LRRC51: variants seen among roughly 807,000 people sequenced by gnomAD.
The protein encoded by LRRC51 is leucine-rich repeat-containing protein 51.
A neutral mutation model predicts 17.8 loss-of-function variants in LRRC51; 8 were observed. That is an observed-to-expected ratio of 0.45 (90% CI 0.26 to 0.81). LRRC51 has a LOEUF of 0.81. LRRC51 is among the 30% of genes least tolerant of loss of function. The pLI is 0.17. For synonymous variants in LRRC51, 92 were observed against 96.0 expected (o/e 0.96, Z 0.24); for missense variants, 233 against 239.3 (o/e 0.97, Z 0.17).
At chr11:72,089,400 T>C (rs1195263382) in intron 3 of LRRC51, 1 of 1,454,606 alleles carries the variant, frequency 6.9e-7, no homozygotes, top group Non-Finnish European at 9.1e-7. Context: ...GTGCCCCTGT[T>C]TGTTTTTTTT....
rs752358211 is a variant in LRRC51, at chr11:72,089,036, C to T, written c.-48C>T. On this transcript the variant is annotated 5_prime_UTR_variant, in exon 3 of 6. Coordinates refer to ENST00000289488, the MANE Select transcript of LRRC51 (RefSeq NM_145309.6). ...CTTTCTCTGTCCTCCCAGGCTGAAC[C>T]CAGACTCCCAGGGCACCTGCTTGCA... is the stretch of plus-strand genomic sequence containing the variant. 2.5e-6 allele frequency: 4 copies of T among 1,612,052 alleles called. No individual in the cohort carries two copies. The highest frequency in any genetic ancestry group is 3.4e-6 in the Non-Finnish European group (4 of 1,179,766).
intron 1 of LRRC51, 24 bp from the exon 2 acceptor site, chr11:72,088,270 TAAC>T (rs1405626686): frequency 5.9e-6 from 4 of 674,668 alleles, no homozygotes; most frequent in African/African-American, 3.5e-5. Context: ...AAGTGACTGA[TAAC>T]AACATTGTGT....
chr11:72,086,571 A>T lies in LRRC51; in HGVS notation c.-139-1726A>T. On this transcript the variant is annotated intron_variant, in intron 1 of 5. Coordinates refer to ENST00000289488, the MANE Select transcript of LRRC51 (RefSeq NM_145309.6). ...GAGTGCCTGTTGTAAACCTGGTTCT[A>T]TGTTGGATAATGAATAAGATGCGAT... The T allele has an allele frequency of 6.1e-6, 4 of 655,948 alleles. No individual in the cohort carries two copies. In the South Asian group the frequency reaches 6.7e-5, roughly 11 times the overall value. 40.6% of individuals were successfully genotyped at this position (655,948 alleles called of 1,614,324 possible). A position where few individuals can be genotyped will look rare whatever the true frequency, so the allele number is the denominator to read the frequency against.
In LRRC51 at chr11:72,089,030, C is replaced by G. The variant is rs1415852482; in HGVS notation, c.-54C>G. 6.2e-7 allele frequency: 1 copy of G among 1,611,692 alleles called. No homozygotes were observed. Among genetic ancestry groups the G allele is most frequent in the Non-Finnish European group, 8.5e-7 (1 of 1,179,708 alleles). Reference sequence around the variant, plus strand: ...ACTGGTCTTTCTCTGTCCTCCCAGGCTGAACCCAGACTCCCAGGGCACCTG... The same window carrying G: ...ACTGGTCTTTCTCTGTCCTCCCAGGGTGAACCCAGACTCCCAGGGCACCTG... On this transcript the variant is annotated splice_region_variant and 5_prime_UTR_variant, in exon 3 of 6. Transcript: ENST00000289488.
At chr11:72,086,301 T>C (rs1944527975) in intron 1 of LRRC51, 1 of 646,944 alleles carries the variant, frequency 1.5e-6, no homozygotes, top group African/African-American at 1.8e-5. Context: ...AGCAGGTCTT[T>C]CTGTGCTCAT....
rs1945162217 is a variant in LRRC51 at position 72,095,704 on chromosome 11, ACT to A, written c.*187_*188del. ...TTTTTTTTTTTTGAGACGGAGTCTC[ACT>A]CTGTCACACAGGCTGGAGTGCAGTG... On this transcript the variant is annotated 3_prime_UTR_variant, in exon 6 of 6. Transcript: ENST00000289488. 1.4e-6 allele frequency: 2 copies of A among 1,404,058 alleles called. No individual in the cohort carries two copies. Among genetic ancestry groups the A allele is most frequent in the East Asian group, 2.8e-5 (1 of 36,204 alleles). 87.0% of individuals were successfully genotyped at this position (1,404,058 alleles called of 1,614,324 possible). A position where few individuals can be genotyped will look rare whatever the true frequency, so the allele number is the denominator to read the frequency against.
intron 1 of LRRC51, chr11:72,085,775 CAT>C (rs1224829019): frequency 6.6e-6 from 1 of 152,536 alleles, no homozygotes; most frequent in Non-Finnish European, 1.5e-5. Context: ...TGGGCTTACT[CAT>C]GTGTCGGCAG....
intron 1 of LRRC51, among the ~76,000 whole-genome samples, chr11:72,084,499 A>T (rs1446805432): frequency 6.6e-6 from 1 of 152,236 alleles, no homozygotes; most frequent in Non-Finnish European, 1.5e-5. Flanking sequence ...ACAATTTGAA[A>T]ATTAAAAAAT....
At chr11:72,088,778 C>T in intron 2 of LRRC51, 1 of 520,160 alleles carries the variant, frequency 1.9e-6, no homozygotes, top group Non-Finnish European at 3.5e-6. Context: ...TCAGTTTCTT[C>T]ATCTGGCATT....
chr11:72,086,737 C>G (rs1393355097), intron 1 of LRRC51, among the ~76,000 whole-genome samples: 2 of 88,798 alleles, frequency 2.3e-5, no homozygotes, highest in Non-Finnish European at 4.7e-5. Flanking sequence ...TCTTTAGGAA[C>G]TGCACTGGGT....
At chr11:72,094,729 C>T (rs993116361) in intron 4 of LRRC51, 25 of 907,674 alleles carry the variant, frequency 2.8e-5, no homozygotes, top group Non-Finnish European at 2.1e-5. Flanking sequence ...CAGGCCCACA[C>T]TCCTGACCCT....
chr11:72,092,264 T>C (rs1437746940), intron 3 of LRRC51, among the ~76,000 whole-genome samples: 1 of 152,190 alleles, frequency 6.6e-6, no homozygotes. Context: ...CACCTTTTTG[T>C]ACAGGAACCT....
At chr11:72,088,467 T>C (rs1591143262) in intron 2 of LRRC51, 87 bp downstream of exon 2, 4 of 695,406 alleles carry the variant, frequency 5.8e-6, no homozygotes, top group East Asian at 5.4e-5. Context: ...AGTAGGGTAT[T>C]TGGATGGAAA....
chr11:72,087,786 T>C (rs2136495531), intron 1 of LRRC51, among the ~76,000 whole-genome samples: 1 of 152,332 alleles, frequency 6.6e-6, no homozygotes, highest in Non-Finnish European at 1.5e-5. Context: ...TATTGAATGA[T>C]TTTTTGATAT....
At chr11:72,093,741 A>C in intron 4 of LRRC51, 40 bp downstream of exon 4, 2 of 1,600,528 alleles carry the variant, frequency 1.2e-6, no homozygotes, top group Non-Finnish European at 1.7e-6. Flanking sequence ...GGGGAGCCTG[A>C]AGCCACTTTG....
chr11:72,096,645 C>T lies in LRRC51; in HGVS notation c.*1125C>T. ...ACACAGCCTTGGGAAATTTATCTAA[C>T]TCTCTGGGCCCCTTTGTACTTTTCA... On this transcript the variant is annotated 3_prime_UTR_variant, in exon 6 of 6. Coordinates refer to ENST00000289488, the MANE Select transcript of LRRC51 (RefSeq NM_145309.6). The T allele has an allele frequency of 6.5e-7, 1 of 1,528,168 alleles. No individual in the cohort carries two copies. The highest frequency in any genetic ancestry group is 2.5e-5 in the East Asian group (1 of 40,196). The allele number at this position is 1,528,168 out of a possible 1,614,324, so 94.7% of individuals were successfully genotyped here.
At chr11:72,088,227 A>G in intron 1 of LRRC51, 70 bp from the exon 2 acceptor site, 1 of 592,370 alleles carries the variant, frequency 1.7e-6, no homozygotes. Flanking sequence ...ACAAATTGGA[A>G]ACGATCTGAT....
chr11:72,084,195 A>AT (rs1338374315), intron 1 of LRRC51, among the ~76,000 whole-genome samples: 10 of 151,740 alleles, frequency 6.6e-5, no homozygotes, highest in Admixed American at 3.3e-4. Context: ...GCAGCCTTTG[A>AT]TTTTTTTTCC....
In LRRC51 at chr11:72,094,945, C is replaced by A. The variant is rs201170695; in HGVS notation, c.289-3C>A. Reference sequence around the variant, plus strand: ...CCTGGCTTTTGGTTTCCCTCCCCAACAGGTCCTAACAACTTTCTTCAACCT... The same window carrying A: ...CCTGGCTTTTGGTTTCCCTCCCCAAAAGGTCCTAACAACTTTCTTCAACCT... On this transcript the variant is annotated splice_region_variant and splice_polypyrimidine_tract_variant and intron_variant, in intron 4 of 5. Coordinates refer to ENST00000289488, the MANE Select transcript of LRRC51 (RefSeq NM_145309.6). The A allele has an allele frequency of 6.2e-7, 1 of 1,614,110 alleles. No homozygotes were observed. Among genetic ancestry groups the A allele is most frequent in the East Asian group, 2.2e-5 (1 of 44,870 alleles).
Sources: allele counts gnomAD v4.1 joint callset (sites outside exome capture counted in the v4.1 genomes callset), GRCh38; gene constraint gnomAD v4.1.1; transcripts MANE v1.5; gene names NCBI Gene and HGNC (gene_info 2026-07-23, HGNC 2026-07-21).